The following SOX5 variants were observed in gnomAD, a reference collection of about 807,000 sequenced individuals.
SOX5 encodes SRY-box transcription factor 5.
SOX5 carries 9 observed loss-of-function variants against 92.0 expected under a neutral mutation model. That is an observed-to-expected ratio of 0.10 (90% CI 0.06 to 0.17). SOX5 has a LOEUF of 0.17. Ranked by LOEUF, SOX5 falls within the 10% of genes least tolerant of loss-of-function variation. The pLI, the probability that SOX5 is intolerant of heterozygous loss-of-function variation, is 1.00. For missense variants in SOX5, 642 were observed against 944.5 expected (o/e 0.68, Z 4.20); for synonymous variants, 344 against 336.3 (o/e 1.02, Z -0.25).
intron 4 of SOX5, among the ~76,000 whole-genome samples, chr12:23,966,955 T>C (rs889029862): frequency 1.6e-4 from 25 of 152,192 alleles, no homozygotes; most frequent in African/African-American, 5.8e-4. Context: ...TGATTATATT[T>C]TCCTCTTGAG....
At position 23,563,315 on chromosome 12, in the gene SOX5, A is replaced by G; in HGVS notation, c.1431T>C (p.Leu477=). 6.2e-7 allele frequency: 1 copy of G among 1,614,122 alleles called. No individual in the cohort carries two copies. The highest frequency in any genetic ancestry group is 8.5e-7 in the Non-Finnish European group (1 of 1,179,948). ...TATTCACAACAGCCACCTTCCCATCAAGCACCTGTTGTTCCCGTCGGAGTT... is the reference window on the plus strand; with the variant it reads ...TATTCACAACAGCCACCTTCCCATCGAGCACCTGTTGTTCCCGTCGGAGTT... The part of the protein sequence containing the change: ...KEQLRREQQV[L]DGKVAVVNSL... Residue 477 remains leucine, a synonymous_variant, in exon 11 of 15, where the codon CTT becomes CTC. Transcript: ENST00000451604.
At chr12:24,013,038 CAA>C (rs893376109) in intron 4 of SOX5, among the ~76,000 whole-genome samples, 4 of 151,962 alleles carry the variant, frequency 2.6e-5, no homozygotes, top group African/African-American at 7.2e-5. Flanking sequence ...CCAACATGAA[CAA>C]AAAAAGTTTC....
At position 23,842,405 on chromosome 12, in the gene SOX5, T is replaced by C. The variant is rs1344361941; in HGVS notation, c.481+3578A>G. Among the ~76,000 whole-genome samples the C allele has an allele frequency of 5.3e-5, 8 of 152,088 alleles. No individual in the cohort carries two copies. The East Asian group carries it at 5.8e-4, about 11-fold the overall frequency. On this transcript the variant is annotated intron_variant, in intron 3 of 14. Transcript: ENST00000451604. The stretch of plus-strand genomic sequence containing the variant: ...ATGTTCAGCTTAATATAGACAAATA[T>C]AGAAATATTTATAGATATATACATA...
intron 2 of SOX5, among the ~76,000 whole-genome samples, chr12:24,360,912 A>G (rs1458037768): frequency 2.0e-5 from 3 of 152,192 alleles, no homozygotes; most frequent in African/African-American, 4.8e-5. Flanking sequence ...ATAAATTGCT[A>G]TATCTAGTAC....
chr12:24,347,414 G>C (rs1953443004), intron 2 of SOX5, among the ~76,000 whole-genome samples: 1 of 152,078 alleles, frequency 6.6e-6, no homozygotes, highest in Non-Finnish European at 1.5e-5. Flanking sequence ...GCTAAATCAA[G>C]CTAATTAATA....
intron 6 of SOX5, among the ~76,000 whole-genome samples, chr12:23,682,000 A>C (rs1236538918): frequency 3.3e-5 from 5 of 151,830 alleles, no homozygotes; most frequent in African/African-American, 1.2e-4. Context: ...ACATTTTAGC[A>C]CAACTTTCTT....
chr12:23,727,426 G>T (rs1340075718), intron 6 of SOX5, among the ~76,000 whole-genome samples: 1 of 152,060 alleles, frequency 6.6e-6, no homozygotes, highest in Non-Finnish European at 1.5e-5. Context: ...AATCATAAGA[G>T]TTTGGAGCAA....
intron 6 of SOX5, among the ~76,000 whole-genome samples, chr12:23,673,074 A>G (rs10771018): frequency 0.31 from 47,269 of 151,930 alleles, 7,561 homozygotes; most frequent in East Asian, 0.53. Flanking sequence ...CTAATCATAG[A>G]AACTTAAGGG....
intron 1 of SOX5, among the ~76,000 whole-genome samples, chr12:24,442,574 G>C (rs1355551265): frequency 3.3e-5 from 5 of 152,208 alleles, no homozygotes; most frequent in Non-Finnish European, 7.3e-5. Flanking sequence ...AAAGTTTTAA[G>C]AGGAGACGTT....
At chr12:23,844,360 ACC>A (rs2096552077) in intron 3 of SOX5, among the ~76,000 whole-genome samples, 1 of 152,188 alleles carries the variant, frequency 6.6e-6, no homozygotes, top group African/African-American at 2.4e-5. Flanking sequence ...TAAGTTGGGG[ACC>A]ATCTGCATAA....
In SOX5 at chr12:23,956,033, T is replaced by C. The variant is rs117718675; in HGVS notation, c.-1-60009A>G. On this transcript the variant is annotated intron_variant, in intron 4 of 4. Transcript: ENST00000446891. Reference sequence around the variant, plus strand: ...GAGAGGTTTTCCCACCGTGAATGTATACATTTCATTTATTAACTAATCAGA... The same window carrying C: ...GAGAGGTTTTCCCACCGTGAATGTACACATTTCATTTATTAACTAATCAGA... 3.7e-3 allele frequency among the ~76,000 whole-genome samples: 570 copies of C among 152,322 alleles called. 2 individuals carry two copies. The highest frequency in any genetic ancestry group is 6.8e-3 in the Middle Eastern group (2 of 294).
At chr12:24,355,675 C>G (rs1051451635) in intron 2 of SOX5, among the ~76,000 whole-genome samples, 2 of 152,030 alleles carry the variant, frequency 1.3e-5, no homozygotes, top group African/African-American at 4.8e-5. Context: ...GTTTTCTGTT[C>G]AAAGGCAAAC....
chr12:24,493,874 A>T (rs977733804), intron 1 of SOX5, among the ~76,000 whole-genome samples: 1 of 152,158 alleles, frequency 6.6e-6, no homozygotes, highest in African/African-American at 2.4e-5. Context: ...AAAAAAAAAA[A>T]AAATAGTTTG....
chr12:24,084,659 C>G (rs1943749272), intron 4 of SOX5, among the ~76,000 whole-genome samples: 1 of 152,032 alleles, frequency 6.6e-6, no homozygotes. Context: ...TAACTTTGCT[C>G]TTGTTATCAG....
intron 3 of SOX5, among the ~76,000 whole-genome samples, chr12:24,271,242 TTA>T (rs1943694474): frequency 1.3e-5 from 2 of 152,200 alleles, no homozygotes; most frequent in Non-Finnish European, 2.9e-5. Context: ...CATTAAGAGT[TTA>T]TGTTGTATCT....
intron 7 of SOX5, among the ~76,000 whole-genome samples, chr12:23,660,460 C>T (rs146836876): frequency 6.6e-6 from 1 of 152,270 alleles, no homozygotes; most frequent in East Asian, 1.9e-4. Context: ...AGTCCAGGCT[C>T]TCTCCTTCAA....
At position 24,017,762 on chromosome 12, in the gene SOX5, C is replaced by T. The variant is rs143751260; in HGVS notation, c.-1-121738G>A. Among the ~76,000 whole-genome samples, 141 of 152,240 alleles carry T rather than the reference C, an allele frequency of 9.3e-4. 1 individual carries two copies. Among genetic ancestry groups the T allele is most frequent in the Middle Eastern group, 3.4e-3 (1 of 294 alleles). ...TCCTTTCACTCATTTTCATAGCTGTCTCCAACCTTCACCATTTTCTTTACT... is the reference window on the plus strand; with the variant it reads ...TCCTTTCACTCATTTTCATAGCTGTTTCCAACCTTCACCATTTTCTTTACT... On this transcript the variant is annotated intron_variant, in intron 4 of 4. Coordinates refer to the SOX5 transcript ENST00000446891.
intron 9 of SOX5, among the ~76,000 whole-genome samples, chr12:23,590,757 ATCT>A (rs1255341389): frequency 6.6e-6 from 1 of 152,072 alleles, no homozygotes; most frequent in Non-Finnish European, 1.5e-5. Flanking sequence ...TTGTTTTGAC[ATCT>A]TCTAAAAGTA....
intron 1 of SOX5, among the ~76,000 whole-genome samples, chr12:23,926,494 T>C (rs1272958748): frequency 6.6e-6 from 1 of 151,384 alleles, no homozygotes; most frequent in East Asian, 1.9e-4. Context: ...CCTGAACTTA[T>C]GGATTATGTT....
Sources: allele counts gnomAD v4.1 joint callset (sites outside exome capture counted in the v4.1 genomes callset), GRCh38; gene constraint gnomAD v4.1.1; transcripts MANE v1.5; gene names NCBI Gene and HGNC (gene_info 2026-07-23, HGNC 2026-07-21).